The following SGCE variants were observed in gnomAD, a reference collection of about 807,000 sequenced individuals.
The protein encoded by SGCE is sarcoglycan epsilon.
Under a neutral mutation model 57.8 loss-of-function variants are expected in SGCE, and 26 were observed. The observed-to-expected ratio is 0.45, with a 90% CI of 0.33 to 0.62. SGCE has a LOEUF of 0.62. Ranked by LOEUF, SGCE falls within the 20% of genes least tolerant of loss-of-function variation. SGCE has a pLI of 0.02. For synonymous variants in SGCE, 183 were observed against 189.5 expected (o/e 0.97, Z 0.28); for missense variants, 468 against 548.6 (o/e 0.85, Z 1.47).
intron 5 of SGCE, among the ~76,000 whole-genome samples, chr7:94,615,313 C>A (rs1395883735): frequency 6.6e-6 from 1 of 151,874 alleles, no homozygotes; most frequent in African/African-American, 2.4e-5. Context: ...GAGTCGAGAT[C>A]CCACCACTGC....
intron 9 of SGCE, among the ~76,000 whole-genome samples, chr7:94,596,647 T>C (rs1184031492): frequency 1.3e-5 from 2 of 152,140 alleles, no homozygotes; most frequent in African/African-American, 2.4e-5. Flanking sequence ...AGGTATATGC[T>C]TGGATAATGC....
chr7:94,609,668 C>T (rs1481943184), intron 5 of SGCE, among the ~76,000 whole-genome samples: 2 of 152,176 alleles, frequency 1.3e-5, no homozygotes, highest in South Asian at 2.1e-4. Flanking sequence ...CAGTGAGATA[C>T]GCAACACACA....
intron 1 of SGCE, among the ~76,000 whole-genome samples, chr7:94,642,291 T>C (rs886100392): frequency 2.0e-5 from 3 of 152,172 alleles, no homozygotes; most frequent in Non-Finnish European, 4.4e-5. Context: ...TATTTTTAAA[T>C]CCAGATGAAT....
chr7:94,651,150 C>T (rs1006594998), intron 1 of SGCE, among the ~76,000 whole-genome samples: 1 of 152,136 alleles, frequency 6.6e-6, no homozygotes, highest in African/African-American at 2.4e-5. Context: ...TAAAGAACTG[C>T]CACCATACAA....
In SGCE at chr7:94,600,763, G is replaced by A. The variant is rs1799085880; in HGVS notation, c.920C>T (p.Ser307Phe). Residue 307 changes from serine to phenylalanine, a missense_variant, in exon 7 of 11, where the codon TCT becomes TTT. Transcript: ENST00000648936. ...CGTGTAATAGTCTCTGCTTTTCAAA[G>A]AATCAGAAGGGGGTTTGTATTCTCC... ...DGGEYKPPSD[S>F]LKSRDYYTDF... 6.2e-7 allele frequency: 1 copy of A among 1,613,598 alleles called. No homozygotes were observed. Among genetic ancestry groups the A allele is most frequent in the Non-Finnish European group, 8.5e-7 (1 of 1,179,808 alleles).
chr7:94,624,332 A>G (rs1015670097), intron 3 of SGCE: 2 of 397,512 alleles, frequency 5.0e-6, no homozygotes, highest in Admixed American at 8.8e-5. Flanking sequence ...AAAGATTTTT[A>G]TACATTACAT....
intron 8 of SGCE, 145 bp downstream of exon 8, chr7:94,599,552 A>C (rs1384545796): frequency 1.5e-5 from 11 of 712,608 alleles, no homozygotes; most frequent in Non-Finnish European, 2.7e-5. Context: ...AAATATCTCT[A>C]TTTAGAAAGC....
At chr7:94,637,829 AG>A (rs1172819485) in intron 1 of SGCE, among the ~76,000 whole-genome samples, 3 of 152,218 alleles carry the variant, frequency 2.0e-5, no homozygotes, top group Non-Finnish European at 4.4e-5. Flanking sequence ...TGAAGTCCAG[AG>A]GAAGAGTCTT....
intron 9 of SGCE, among the ~76,000 whole-genome samples, chr7:94,593,654 C>T (rs1797996141): frequency 6.6e-6 from 1 of 151,954 alleles, no homozygotes; most frequent in African/African-American, 2.4e-5. Context: ...CCTCTCCACA[C>T]CATTTTCCTC....
intron 9 of SGCE, chr7:94,597,663 A>C (rs995893507): frequency 6.6e-6 from 1 of 152,186 alleles, no homozygotes; most frequent in Non-Finnish European, 1.5e-5. Context: ...AGCCAACTTC[A>C]TGACTTCTAG....
chr7:94,629,439 A>G, intron 2 of SGCE: 1 of 332,410 alleles, frequency 3.0e-6, no homozygotes, highest in Non-Finnish European at 5.7e-6. Context: ...GTTTACAGCT[A>G]TAATTATTTC....
chr7:94,611,044 C>T (rs774497831), intron 5 of SGCE, among the ~76,000 whole-genome samples: 3 of 152,146 alleles, frequency 2.0e-5, no homozygotes, highest in Non-Finnish European at 4.4e-5. Context: ...TCCTATTTTG[C>T]TGGTGGAAAT....
chr7:94,651,339 A>G (rs1774765013), intron 1 of SGCE, among the ~76,000 whole-genome samples: 1 of 152,188 alleles, frequency 6.6e-6, no homozygotes, highest in South Asian at 2.1e-4. Flanking sequence ...AGCCTCTTAG[A>G]TCTTCATCAA....
intron 1 of SGCE, among the ~76,000 whole-genome samples, chr7:94,644,916 A>G (rs912683721): frequency 2.6e-5 from 4 of 152,164 alleles, no homozygotes; most frequent in African/African-American, 4.8e-5. Flanking sequence ...TTTAGCTACA[A>G]TGTCTTAAAT....
chr7:94,651,937 ATT>A (rs200835923), intron 1 of SGCE, among the ~76,000 whole-genome samples: 1 of 141,010 alleles, frequency 7.1e-6, no homozygotes, highest in Admixed American at 7.1e-5. Context: ...CTTCTTTATT[ATT>A]TTTTTTTTTT....
Position 94,629,813 on chromosome 7 carries a change from G to A in SGCE, c.138C>T (p.Ser46=), listed in dbSNP as rs116632777. The A allele has an allele frequency of 4.2e-5, 68 of 1,610,674 alleles. No individual in the cohort carries two copies. Among genetic ancestry groups the A allele is most frequent in the African/African-American group, 2.7e-4 (20 of 74,854 alleles). ...CTGCTGATGGGTATACATTCCGATC[G>A]GAGTGTACCTTGGAGAAAATACTGT... is the stretch of plus-strand genomic sequence containing the variant. The part of the protein sequence containing the change: ...TVYSIFSKVH[S]DRNVYPSAGV... The change falls in exon 2 of 11, where the codon TCC becomes TCT. Residue 46 remains serine, a synonymous_variant. Coordinates refer to ENST00000648936, the MANE Select transcript of SGCE (RefSeq NM_003919.3).
chr7:94,612,592 T>C (rs1801209027), intron 5 of SGCE, among the ~76,000 whole-genome samples: 2 of 152,194 alleles, frequency 1.3e-5, no homozygotes, highest in South Asian at 2.1e-4. Context: ...TTTGAAGTTA[T>C]AAATAATATT....
intron 5 of SGCE, among the ~76,000 whole-genome samples, chr7:94,609,072 T>C (rs1800605183): frequency 6.6e-6 from 1 of 152,202 alleles, no homozygotes; most frequent in African/African-American, 2.4e-5. Context: ...AAGATGGACT[T>C]AATTAAAATT....
At chr7:94,629,095 CT>C (rs1804236997) in intron 2 of SGCE, 1 of 151,936 alleles carries the variant, frequency 6.6e-6, no homozygotes, top group Non-Finnish European at 1.5e-5. Flanking sequence ...AGAAAATTCA[CT>C]TTTATTTGCT....
Sources: allele counts gnomAD v4.1 joint callset (sites outside exome capture counted in the v4.1 genomes callset), GRCh38; gene constraint gnomAD v4.1.1; transcripts MANE v1.5; gene names NCBI Gene and HGNC (gene_info 2026-07-23, HGNC 2026-07-21).